DCTN6: variants seen among roughly 807,000 people sequenced by gnomAD.
The protein encoded by DCTN6 is dynactin 6.
Under a neutral mutation model 25.8 loss-of-function variants are expected in DCTN6, and 15 were observed. The observed-to-expected ratio is 0.58, with a 90% CI of 0.39 to 0.89. The LOEUF (loss-of-function observed/expected upper bound fraction) is 0.89, where lower values mean the gene tolerates loss of function less well. DCTN6 is among the 40% of genes least tolerant of loss of function. The pLI is 0.00. For synonymous variants in DCTN6, 64 were observed against 78.3 expected (o/e 0.82, Z 0.96); for missense variants, 198 against 237.6 (o/e 0.83, Z 1.09).
intron 1 of DCTN6, among the ~76,000 whole-genome samples, chr8:30,163,883 G>C (rs928493107): frequency 6.6e-6 from 1 of 152,068 alleles, no homozygotes; most frequent in Non-Finnish European, 1.5e-5. Context: ...TGTATTTTTA[G>C]TAGAGATGGG....
intron 5 of DCTN6, among the ~76,000 whole-genome samples, chr8:30,179,773 AG>A (rs1289499322): frequency 2.0e-5 from 3 of 152,048 alleles, no homozygotes; most frequent in East Asian, 3.9e-4. Flanking sequence ...GTAGAATTAA[AG>A]GGGGGGAAAA....
At position 30,183,262 on chromosome 8, in the gene DCTN6, C is replaced by A; in HGVS notation, c.*89C>A. 1 of 967,558 alleles carries A rather than the reference C, an allele frequency of 1.0e-6. No individual in the cohort carries two copies. Among genetic ancestry groups the A allele is most frequent in the Non-Finnish European group, 1.6e-6 (1 of 644,890 alleles). 59.9% of individuals were successfully genotyped at this position (967,558 alleles called of 1,614,324 possible). ...GTGTTTATGTACTCTTAACAACTCA[C>A]AGAATAATACATGTTCACTTTATTT... On this transcript the variant is annotated 3_prime_UTR_variant, in exon 7 of 7. Coordinates refer to ENST00000221114, the MANE Select transcript of DCTN6 (RefSeq NM_006571.4).
chr8:30,158,862 A>G (rs150936627), intron 1 of DCTN6, among the ~76,000 whole-genome samples: 22 of 143,652 alleles, frequency 1.5e-4, no homozygotes, highest in African/African-American at 5.6e-4. Flanking sequence ...GCTCACTGCA[A>G]CCTTTGCCTC....
chr8:30,169,198 T>G (rs1803727152), intron 2 of DCTN6, among the ~76,000 whole-genome samples: 1 of 152,238 alleles, frequency 6.6e-6, no homozygotes, highest in African/African-American at 2.4e-5. Flanking sequence ...GGCAGAACAG[T>G]GGCTTTGACT....
At chr8:30,163,212 G>C (rs1803619690) in intron 1 of DCTN6, among the ~76,000 whole-genome samples, 3 of 152,126 alleles carry the variant, frequency 2.0e-5, no homozygotes, top group Non-Finnish European at 4.4e-5. Flanking sequence ...CAGGAGAGTT[G>C]CTTGAACCTG....
At position 30,164,175 on chromosome 8, in the gene DCTN6, G is replaced by C. The variant is rs770518091; in HGVS notation, c.88G>C (p.Gly30Arg). 1 of 1,607,484 alleles carries C rather than the reference G, an allele frequency of 6.2e-7. No homozygotes were observed. The highest frequency in any genetic ancestry group is 8.5e-7 in the Non-Finnish European group (1 of 1,174,088). ...ESEIRGDVTI[G>R]PRTVIHPKAR... ...TGAAATCAGAGGAGATGTAACTATC[G>C]GTAAGAAATAGTTTATTTACTGTTT... The change falls in exon 2 of 7, where the codon GGA becomes CGA. Residue 30 changes from glycine (G) to arginine (R), a missense_variant and splice_region_variant. Coordinates refer to ENST00000221114, the MANE Select transcript of DCTN6 (RefSeq NM_006571.4).
At chr8:30,164,051 G>C in intron 1 of DCTN6, 60 bp from the exon 2 acceptor site, 2 of 1,393,388 alleles carry the variant, frequency 1.4e-6, no homozygotes, top group Non-Finnish European at 2.0e-6. Flanking sequence ...TGTCACGGTA[G>C]CTCCTCCAAC....
chr8:30,175,091 G>A lies in DCTN6; in HGVS notation c.95G>A (p.Arg32Gln), dbSNP rs992360127. The change falls in exon 3 of 7, where the codon CGG becomes CAG. Residue 32 changes from arginine (R) to glutamine (Q), a missense_variant. Coordinates refer to ENST00000221114, the MANE Select transcript of DCTN6 (RefSeq NM_006571.4). ...EIRGDVTIGP[R>Q]TVIHPKARII... Reference sequence around the variant, plus strand: ...CTCAAACTATTTTTAACAGGACCTCGGACAGTGATCCACCCTAAAGCAAGA... The same window carrying A: ...CTCAAACTATTTTTAACAGGACCTCAGACAGTGATCCACCCTAAAGCAAGA... The A allele has an allele frequency of 3.1e-6, 5 of 1,613,936 alleles. No individual in the cohort carries two copies. The highest frequency in any genetic ancestry group is 2.2e-5 in the South Asian group (2 of 91,056).
Position 30,174,961 on chromosome 8 carries a change from T to C in DCTN6, c.89-124T>C, listed in dbSNP as rs1416806406. 3.7e-6 allele frequency: 3 copies of C among 808,134 alleles called. No individual in the cohort carries two copies. The Admixed American group carries it at 7.1e-5, about 19-fold the overall frequency. 50.1% of individuals were successfully genotyped at this position (808,134 alleles called of 1,614,324 possible). On this transcript the variant is annotated intron_variant, in intron 2 of 6. Transcript: ENST00000221114. ...GATAGTATCTGTGAAGTACCTAGCTTGGTGCCTGGCACATACTTAGAAAAT... is the reference window on the plus strand; with the variant it reads ...GATAGTATCTGTGAAGTACCTAGCTCGGTGCCTGGCACATACTTAGAAAAT...
intron 3 of DCTN6, chr8:30,176,899 C>T (rs1439977096): frequency 1.3e-5 from 5 of 372,744 alleles, no homozygotes; most frequent in South Asian, 5.8e-5. Flanking sequence ...CTCTTGAACC[C>T]GGGAGACGGA....
chr8:30,174,939 A>G (rs2117593208), intron 2 of DCTN6, 146 bp from the exon 3 acceptor site: 5 of 667,704 alleles, frequency 7.5e-6, no homozygotes, highest in Non-Finnish European at 1.3e-5. Flanking sequence ...CCTGGGAGAT[A>G]GTATCTGTGA....
chr8:30,181,233 A>G (rs1803907175), intron 6 of DCTN6, among the ~76,000 whole-genome samples: 1 of 152,222 alleles, frequency 6.6e-6, no homozygotes, highest in Non-Finnish European at 1.5e-5. Flanking sequence ...GTCACTGACA[A>G]TGCATAAACA....
chr8:30,172,896 T>C (rs1173517403), intron 2 of DCTN6, among the ~76,000 whole-genome samples: 2 of 152,218 alleles, frequency 1.3e-5, no homozygotes, highest in South Asian at 2.1e-4. Flanking sequence ...ATGTGTTATA[T>C]ATGCATATAT....
chr8:30,180,348 A>G, intron 5 of DCTN6, 140 bp from the exon 6 acceptor site: 3 of 1,070,984 alleles, frequency 2.8e-6, no homozygotes, highest in Admixed American at 5.6e-5. Context: ...TGTTGTCCAT[A>G]CAAACTCCAA....
chr8:30,174,319 C>T (rs147863652), intron 2 of DCTN6, among the ~76,000 whole-genome samples: 87 of 152,052 alleles, frequency 5.7e-4, no homozygotes, highest in African/African-American at 2.0e-3. Flanking sequence ...TTCTGTCCAC[C>T]CATATTTCTC....
At chr8:30,176,129 G>A (rs1803828639) in intron 3 of DCTN6, among the ~76,000 whole-genome samples, 1 of 151,922 alleles carries the variant, frequency 6.6e-6, no homozygotes, top group Non-Finnish European at 1.5e-5. Context: ...ATTAAGGGTG[G>A]AAAATTTTCA....
chr8:30,169,856 A>G (rs1803739092), intron 2 of DCTN6, among the ~76,000 whole-genome samples: 2 of 152,154 alleles, frequency 1.3e-5, no homozygotes, highest in Admixed American at 1.3e-4. Flanking sequence ...CGCATCATTC[A>G]CGGAAATCAC....
intron 1 of DCTN6, 121 bp downstream of exon 1, chr8:30,156,527 C>A: frequency 1.6e-6 from 2 of 1,231,148 alleles, no homozygotes; most frequent in Non-Finnish European, 2.3e-6. Context: ...CCGAAGGTAC[C>A]TGAAGCCCAG....
At position 30,183,158 on chromosome 8, in the gene DCTN6, T is replaced by C; in HGVS notation, c.558T>C (p.Thr186=). 1.2e-6 allele frequency: 2 copies of C among 1,613,664 alleles called. No individual in the cohort carries two copies. Among genetic ancestry groups the C allele is most frequent in the Non-Finnish European group, 1.7e-6 (2 of 1,179,760 alleles). ...AGAAGACTATGAAAGGAAGCTCAAC[T>C]CCAGTAAAGAACTAAGAACAGTGTA... ...HLKKTMKGSS[T]PVKN Residue 186 remains threonine, a synonymous_variant, in exon 7 of 7, where the codon ACT becomes ACC. Transcript: ENST00000221114.
Sources: allele counts gnomAD v4.1 joint callset (sites outside exome capture counted in the v4.1 genomes callset), GRCh38; gene constraint gnomAD v4.1.1; transcripts MANE v1.5; gene names NCBI Gene and HGNC (gene_info 2026-07-23, HGNC 2026-07-21).